The following NUP160 variants were observed in gnomAD, a reference collection of about 807,000 sequenced individuals.
NUP160 encodes nuclear pore complex protein Nup160.
NUP160 carries 94 observed loss-of-function variants against 196.9 expected under a neutral mutation model. The ratio of observed to expected loss-of-function variants is 0.48; its 90% CI spans 0.40 to 0.57. NUP160 has a LOEUF of 0.57. Ranked by LOEUF, NUP160 falls within the 20% of genes least tolerant of loss-of-function variation. The pLI is 0.00. For synonymous variants in NUP160, 605 were observed against 619.7 expected (o/e 0.98, Z 0.35); for missense variants, 1,638 against 1,748.3 (o/e 0.94, Z 1.13).
chr11:47,839,446 G>C (rs1350967423), intron 4 of NUP160: 1 of 213,056 alleles, frequency 4.7e-6, no homozygotes, highest in East Asian at 1.2e-4. Context: ...GGTTAAGACA[G>C]ATCTGGGGAG....
chr11:47,822,578 T>C (rs1271166685), intron 7 of NUP160, among the ~76,000 whole-genome samples: 1 of 151,968 alleles, frequency 6.6e-6, no homozygotes, highest in East Asian at 1.9e-4. Context: ...TCTTTTCTTT[T>C]TTTTTTTTTA....
intron 3 of NUP160, 73 bp from the exon 4 acceptor site, chr11:47,840,138 TAA>T: frequency 8.6e-7 from 1 of 1,167,528 alleles, no homozygotes; most frequent in Non-Finnish European, 1.2e-6. Flanking sequence ...TCTCTATTGC[TAA>T]AAAAGTTTTT....
intron 7 of NUP160, among the ~76,000 whole-genome samples, chr11:47,824,795 C>A (rs922570853): frequency 2.7e-5 from 4 of 148,418 alleles, no homozygotes; most frequent in African/African-American, 9.8e-5. Flanking sequence ...ATGTTCTACC[C>A]GACCCAGCTT....
At chr11:47,813,253 T>A (rs2097682183) in intron 14 of NUP160, 63 bp downstream of exon 14, 1 of 1,254,296 alleles carries the variant, frequency 8.0e-7, no homozygotes, top group African/African-American at 1.5e-5. Flanking sequence ...TGTATCCATG[T>A]GAAACGAAGC....
chr11:47,829,375 G>A (rs575998384), intron 7 of NUP160, among the ~76,000 whole-genome samples: 12 of 152,198 alleles, frequency 7.9e-5, no homozygotes, highest in Admixed American at 5.2e-4. Context: ...GTGCGATCCC[G>A]GCTCACTGCA....
intron 11 of NUP160, 83 bp downstream of exon 11, chr11:47,817,973 T>C (rs1009820681): frequency 1.4e-6 from 1 of 736,052 alleles, no homozygotes; most frequent in Non-Finnish European, 2.3e-6. Context: ...CAGTGTTTAA[T>C]ATATGCAAAA....
intron 10 of NUP160, among the ~76,000 whole-genome samples, chr11:47,818,553 AC>A (rs370819662): frequency 7.5e-6 from 1 of 133,362 alleles, no homozygotes; most frequent in East Asian, 2.3e-4. Flanking sequence ...ACAAAACAAA[AC>A]AAAACAAAAC....
At chr11:47,787,688 C>T (rs1393774477) in intron 31 of NUP160, among the ~76,000 whole-genome samples, 2 of 151,524 alleles carry the variant, frequency 1.3e-5, no homozygotes, top group South Asian at 2.1e-4. Context: ...AGTAGGATTA[C>T]AGATGTGAGC....
chr11:47,796,259 ATCAAT>A (rs2097670872), intron 27 of NUP160: 3 of 677,704 alleles, frequency 4.4e-6, no homozygotes, highest in Admixed American at 4.0e-5. Context: ...GCACAGTAGG[ATCAAT>A]CAGAAAGCTG....
chr11:47,798,308 G>T, intron 24 of NUP160, 46 bp from the exon 25 acceptor site: 2 of 1,536,796 alleles, frequency 1.3e-6, no homozygotes, highest in Non-Finnish European at 1.8e-6. Context: ...CAATAGAAAT[G>T]AACATACCAC....
chr11:47,846,157 C>G, intron 2 of NUP160, among the ~76,000 whole-genome samples: 1 of 148,030 alleles, frequency 6.8e-6, no homozygotes, highest in East Asian at 2.0e-4. Context: ...AAAAAAAAAG[C>G]AGAAAGAAAA....
At chr11:47,780,757 G>A (rs1349495417) in intron 34 of NUP160, among the ~76,000 whole-genome samples, 3 of 151,654 alleles carry the variant, frequency 2.0e-5, no homozygotes, top group African/African-American at 7.3e-5. Flanking sequence ...GGACAGGCTG[G>A]TCTCAAACTC....
intron 7 of NUP160, among the ~76,000 whole-genome samples, chr11:47,829,528 A>G (rs1435420143): frequency 6.6e-6 from 1 of 152,154 alleles, no homozygotes; most frequent in Admixed American, 6.5e-5. Context: ...GCTGGTCTCA[A>G]ATACCTGGCC....
chr11:47,812,563 G>T, intron 15 of NUP160, 134 bp from the exon 16 acceptor site: 1 of 891,828 alleles, frequency 1.1e-6, no homozygotes, highest in Non-Finnish European at 1.7e-6. Context: ...TGGCATATAA[G>T]ATACAGTCCC....
intron 23 of NUP160, among the ~76,000 whole-genome samples, chr11:47,800,394 T>C (rs1203674325): frequency 6.6e-6 from 1 of 151,930 alleles, no homozygotes; most frequent in African/African-American, 2.4e-5. Context: ...AGGGTTTTTT[T>C]CTTTTTTTTT....
chr11:47,796,159 A>AG (rs1202206991), intron 27 of NUP160: 77 of 307,178 alleles, frequency 2.5e-4, no homozygotes, highest in Non-Finnish European at 2.3e-4. Context: ...ATCTAAAAAA[A>AG]AAAAAAAAAA....
intron 7 of NUP160, among the ~76,000 whole-genome samples, chr11:47,832,573 C>T (rs1032460528): frequency 1.3e-5 from 2 of 152,170 alleles, no homozygotes; most frequent in African/African-American, 2.4e-5. Flanking sequence ...GCAGACTCAG[C>T]GCATAGGATG....
rs927971453 is a variant in NUP160 at position 47,803,384 on chromosome 11, A to G, written c.2775+54T>C. 1.8e-5 allele frequency: 19 copies of G among 1,077,106 alleles called. No homozygotes were observed. In the African/African-American group the frequency reaches 2.2e-4, roughly 12 times the overall value. 66.7% of individuals were successfully genotyped at this position (1,077,106 alleles called of 1,614,324 possible). On this transcript the variant is annotated intron_variant, in intron 22 of 35. Coordinates refer to ENST00000378460, the Ensembl canonical transcript of NUP160. Reference sequence around the variant, plus strand: ...AAACCTAGTCAAATGGAAGCTAAGCAACTTCCTTGCGTTAAAGTTTATAAA... The same window carrying G: ...AAACCTAGTCAAATGGAAGCTAAGCGACTTCCTTGCGTTAAAGTTTATAAA...
chr11:47,783,242 T>A, intron 33 of NUP160, 44 bp from the exon 34 acceptor site: 1 of 1,588,740 alleles, frequency 6.3e-7, no homozygotes, highest in Non-Finnish European at 8.6e-7. Context: ...ATTTCCCTCC[T>A]ACTTGAGTAC....
Sources: allele counts gnomAD v4.1 joint callset (sites outside exome capture counted in the v4.1 genomes callset), GRCh38; gene constraint gnomAD v4.1.1; transcripts MANE v1.5; gene names NCBI Gene and HGNC (gene_info 2026-07-23, HGNC 2026-07-21).